Variants in HCN1 observed in about 807,000 individuals in gnomAD.
The protein encoded by HCN1 is potassium/sodium hyperpolarization-activated cyclic nucleotide-gated channel 1.
In HCN1, 13 loss-of-function variants were observed where a neutral mutation model predicts 78.9. The ratio of observed to expected loss-of-function variants is 0.16; its 90% CI spans 0.11 to 0.26. The LOEUF (loss-of-function observed/expected upper bound fraction) is 0.26. Ranked by LOEUF, HCN1 falls within the 10% of genes least tolerant of loss-of-function variation. HCN1 has a pLI of 1.00. For missense variants in HCN1, 810 were observed against 1,154.3 expected, an observed-to-expected ratio of 0.70 and a Z score of 4.32; for synonymous variants, 552 against 455.5, an observed-to-expected ratio of 1.21 and a Z score of -2.70.
chr5:45,545,727 T>G (rs188395884), intron 2 of HCN1, among the ~76,000 whole-genome samples: 3 of 152,316 alleles, frequency 2.0e-5, no homozygotes, highest in Admixed American at 6.5e-5. Flanking sequence ...TTTCTTGTTT[T>G]TGTCAGGTTT....
At chr5:45,505,759 C>T (rs1742284619) in intron 2 of HCN1, among the ~76,000 whole-genome samples, 2 of 152,030 alleles carry the variant, frequency 1.3e-5, no homozygotes, top group South Asian at 2.1e-4. Flanking sequence ...TATAAATATA[C>T]ATGCATATAG....
intron 4 of HCN1, among the ~76,000 whole-genome samples, chr5:45,363,220 G>A (rs184542434): frequency 2.4e-4 from 35 of 147,978 alleles, no homozygotes; most frequent in Admixed American, 1.4e-3. Flanking sequence ...CCCATACAAC[G>A]CGTCTTTCCT....
At chr5:45,490,840 C>T (rs572259705) in intron 2 of HCN1, among the ~76,000 whole-genome samples, 1 of 152,114 alleles carries the variant, frequency 6.6e-6, no homozygotes, top group East Asian at 1.9e-4. Flanking sequence ...GAATAGAAAC[C>T]ATCCTTTCCT....
At chr5:45,479,916 A>G (rs1220051310) in intron 2 of HCN1, among the ~76,000 whole-genome samples, 2 of 152,222 alleles carry the variant, frequency 1.3e-5, no homozygotes, top group African/African-American at 4.8e-5. Flanking sequence ...AATCAATGAC[A>G]GAATCAAAAA....
intron 6 of HCN1, among the ~76,000 whole-genome samples, chr5:45,270,460 G>A (rs1744940663): frequency 6.6e-6 from 1 of 152,178 alleles, no homozygotes; most frequent in African/African-American, 2.4e-5. Flanking sequence ...TTATTAACAA[G>A]AAAGGGCCAT....
intron 4 of HCN1, among the ~76,000 whole-genome samples, chr5:45,374,222 A>G (rs1383139143): frequency 8.4e-6 from 1 of 118,756 alleles, no homozygotes; most frequent in African/African-American, 2.9e-5. Flanking sequence ...TATTATGTAC[A>G]TTATATACAT....
At chr5:45,548,846 C>G (rs907478352) in intron 2 of HCN1, among the ~76,000 whole-genome samples, 13 of 150,598 alleles carry the variant, frequency 8.6e-5, no homozygotes, top group Non-Finnish European at 1.9e-4. Flanking sequence ...TTCTTATACA[C>G]CAATAACAGA....
rs535626494 is a variant in HCN1 at position 45,490,656 on chromosome 5, T to A, written c.850-28649A>T. Among the ~76,000 whole-genome samples, 49 of 152,260 alleles carry A rather than the reference T, an allele frequency of 3.2e-4. 1 individual carries two copies. The highest frequency in any genetic ancestry group is 2.9e-3 in the South Asian group (14 of 4,832). The stretch of plus-strand genomic sequence containing the variant: ...GACCAACTTTTCTTATGATTCTTAC[T>A]CTTTTCTTGGTCTTATTTCACATTG... On this transcript the variant is annotated intron_variant, in intron 2 of 7. Coordinates refer to ENST00000303230, the MANE Select transcript of HCN1 (RefSeq NM_021072.4).
intron 4 of HCN1, among the ~76,000 whole-genome samples, chr5:45,373,212 GTTATATATAATATATATTTTACA>G (rs1747467262): frequency 2.7e-5 from 3 of 112,316 alleles, no homozygotes; most frequent in South Asian, 2.6e-4. Flanking sequence ...TTTTATATAT[GTTATATATAATATATATTTTACA>G]TTATATATAA....
At chr5:45,588,882 C>T (rs947670239) in intron 2 of HCN1, among the ~76,000 whole-genome samples, 1 of 152,090 alleles carries the variant, frequency 6.6e-6, no homozygotes, top group Non-Finnish European at 1.5e-5. Context: ...TTATCTCACG[C>T]CTGATAAAAA....
At chr5:45,347,103 T>A (rs1207010932) in intron 5 of HCN1, among the ~76,000 whole-genome samples, 1 of 152,168 alleles carries the variant, frequency 6.6e-6, no homozygotes, top group Non-Finnish European at 1.5e-5. Context: ...ACAGCCTAAC[T>A]GGGAGGCACC....
chr5:45,328,674 A>G lies in HCN1; in HGVS notation c.1377+24426T>C, dbSNP rs144163905. On this transcript the variant is annotated intron_variant, in intron 5 of 7. Coordinates refer to ENST00000303230, the MANE Select transcript of HCN1 (RefSeq NM_021072.4). ...ATCCCACTATTTAGAATGGTGCACA[A>G]TTTCAAACTTATGAGTTGTGTATTT... 1.6e-4 allele frequency among the ~76,000 whole-genome samples: 25 copies of G among 151,726 alleles called. No individual in the cohort carries two copies. The East Asian group carries it at 4.9e-3, about 30-fold the overall frequency.
chr5:45,462,523 T>C (rs1741183477), intron 2 of HCN1, among the ~76,000 whole-genome samples: 1 of 152,098 alleles, frequency 6.6e-6, no homozygotes, highest in Non-Finnish European at 1.5e-5. Context: ...TGAGTGGAGA[T>C]ATTTAATTGT....
chr5:45,383,754 A>C (rs545437157), intron 4 of HCN1, among the ~76,000 whole-genome samples: 1 of 152,150 alleles, frequency 6.6e-6, no homozygotes, highest in East Asian at 1.9e-4. Context: ...AAATATGAAA[A>C]CTATTAACTT....
At chr5:45,525,982 C>CA (rs1489400071) in intron 2 of HCN1, among the ~76,000 whole-genome samples, 1 of 151,920 alleles carries the variant, frequency 6.6e-6, no homozygotes, top group African/African-American at 2.4e-5. Context: ...CCTTCTCTTT[C>CA]CACCAGGTGA....
Position 45,304,638 on chromosome 5 carries a change from G to A in HCN1, c.1378-799C>T, listed in dbSNP as rs548118698. On this transcript the variant is annotated intron_variant, in intron 5 of 7. Transcript: ENST00000303230. ...TGCAGTGAGCCAAGATCATACCACT[G>A]CACTCCATCTTGGACAACACAGTGA... is the stretch of plus-strand genomic sequence containing the variant. Among the ~76,000 whole-genome samples the A allele has an allele frequency of 3.9e-5, 6 of 152,188 alleles. No individual in the cohort carries two copies. The East Asian group carries it at 1.2e-3, about 30-fold the overall frequency.
chr5:45,523,250 G>C (rs946367457), intron 2 of HCN1, among the ~76,000 whole-genome samples: 2 of 151,952 alleles, frequency 1.3e-5, no homozygotes, highest in Middle Eastern at 3.4e-3. Flanking sequence ...TCTTAATCCA[G>C]TATATCATTG....
chr5:45,322,332 A>G (rs537071698), intron 5 of HCN1, among the ~76,000 whole-genome samples: 2 of 151,974 alleles, frequency 1.3e-5, no homozygotes, highest in Non-Finnish European at 2.9e-5. Flanking sequence ...GATTTTTTAA[A>G]GGGTCCACTG....
rs79010845 is a variant in HCN1 at position 45,482,884 on chromosome 5, T to C, written c.850-20877A>G. Among the ~76,000 whole-genome samples, 1,516 of 152,306 alleles carry C rather than the reference T, an allele frequency of 1.0e-2. 68 individuals are homozygous for C. Among genetic ancestry groups the C allele is most frequent in the Admixed American group, 0.069 (1,058 of 15,278 alleles). On this transcript the variant is annotated intron_variant, in intron 2 of 7. Transcript: ENST00000303230. ...TTTGTTTTTCCATTCCTGTGTTAAT[T>C]TGCTTAGAATTATAGCCTCCAGCCC...
Sources: gnomAD v4.1 joint callset for allele counts (sites outside exome capture counted in the v4.1 genomes callset) on GRCh38, gnomAD v4.1.1 for gene constraint, MANE v1.5 for transcripts, NCBI Gene and HGNC (gene_info 2026-07-23, HGNC 2026-07-21) for gene names.